HSD17B12: variants seen among roughly 807,000 people sequenced by gnomAD.
The protein encoded by HSD17B12 is very-long-chain 3-oxoacyl-CoA reductase.
HSD17B12 carries 32 observed loss-of-function variants against 39.3 expected under a neutral mutation model. The observed-to-expected ratio is 0.81, with a 90% CI of 0.61 to 1.09. The LOEUF (loss-of-function observed/expected upper bound fraction) is 1.09, where lower values mean the gene tolerates loss of function less well. Ranked by LOEUF, HSD17B12 falls within the 50% of genes least tolerant of loss-of-function variation. The pLI, the probability that HSD17B12 is intolerant of heterozygous loss-of-function variation, is 0.00. For missense variants in HSD17B12, 342 were observed against 382.9 expected, an observed-to-expected ratio of 0.89 and a Z score of 0.89; for synonymous variants, 150 against 146.7, an observed-to-expected ratio of 1.02 and a Z score of -0.16.
At chr11:43,812,980 T>G (rs1951087147) in intron 4 of HSD17B12, among the ~76,000 whole-genome samples, 1 of 152,160 alleles carries the variant, frequency 6.6e-6, no homozygotes, top group South Asian at 2.1e-4. Context: ...TAGCTGGGAC[T>G]ACAGGCACGT....
At chr11:43,607,312 G>T in the HSD17B12 span, among the ~76,000 whole-genome samples, 16 of 151,112 alleles carry the variant, frequency 1.1e-4, no homozygotes, top group African/African-American at 3.9e-4. Context: ...GTGTGTGTGT[G>T]TGTGTACCAT....
At chr11:43,783,763 G>A (rs1164873301) in intron 3 of HSD17B12, among the ~76,000 whole-genome samples, 2 of 151,972 alleles carry the variant, frequency 1.3e-5, no homozygotes, top group Admixed American at 1.3e-4. Flanking sequence ...TCCCCAAAGA[G>A]CGTTTGTTTA....
At chr11:43,735,454 G>A (rs1285384976) in intron 1 of HSD17B12, among the ~76,000 whole-genome samples, 8 of 152,058 alleles carry the variant, frequency 5.3e-5, no homozygotes, top group Non-Finnish European at 1.0e-4. Flanking sequence ...AAAAAATTAC[G>A]GTCAACCTAG....
At chr11:43,661,837 G>A in the HSD17B12 span, among the ~76,000 whole-genome samples, 2 of 152,058 alleles carry the variant, frequency 1.3e-5, no homozygotes, top group African/African-American at 4.8e-5. Flanking sequence ...ATTATGATAT[G>A]GAAAAATGTT....
chr11:43,802,794 T>A (rs1417937562), intron 4 of HSD17B12, among the ~76,000 whole-genome samples: 2 of 152,196 alleles, frequency 1.3e-5, no homozygotes, highest in Non-Finnish European at 2.9e-5. Flanking sequence ...CCATCCAAAA[T>A]GTCAGTAGTG....
At chr11:43,608,362 CA>C in the HSD17B12 span, among the ~76,000 whole-genome samples, 23,626 of 122,886 alleles carry the variant, frequency 0.19, 2,214 homozygotes, top group East Asian at 0.61. Flanking sequence ...GACTCTGTCT[CA>C]AAAAAAAAAA....
In HSD17B12 at chr11:43,759,888, T is replaced by A. The variant is rs369856404; in HGVS notation, c.283+5767T>A. On this transcript the variant is annotated intron_variant, in intron 3 of 10. Coordinates refer to ENST00000278353, the MANE Select transcript of HSD17B12 (RefSeq NM_016142.3). Reference sequence around the variant, plus strand: ...GACTACAGGCTTGTACCACCACACTTGGCTGATTTTTTTTTTTTTTAAATT... The same window carrying A: ...GACTACAGGCTTGTACCACCACACTAGGCTGATTTTTTTTTTTTTTAAATT... Among the ~76,000 whole-genome samples the A allele has an allele frequency of 9.9e-5, 15 of 151,506 alleles. No homozygotes were observed. The East Asian group carries it at 1.9e-3, about 20-fold the overall frequency.
chr11:43,562,902 G>A, the HSD17B12 span, among the ~76,000 whole-genome samples: 1 of 152,198 alleles, frequency 6.6e-6, no homozygotes, highest in African/African-American at 2.4e-5. Flanking sequence ...GCATAGCACA[G>A]ATCTGGACCT....
At chr11:43,706,926 T>G (rs1950021754) in intron 1 of HSD17B12, among the ~76,000 whole-genome samples, 2 of 152,290 alleles carry the variant, frequency 1.3e-5, no homozygotes, top group East Asian at 1.9e-4. Flanking sequence ...TTTGAAAATT[T>G]TATGCCTCTT....
chr11:43,617,119 G>C, the HSD17B12 span, among the ~76,000 whole-genome samples: 2 of 152,072 alleles, frequency 1.3e-5, no homozygotes, highest in Non-Finnish European at 2.9e-5. Context: ...TTCATACTGG[G>C]CTCTTTTAGC....
At chr11:43,615,891 T>A in the HSD17B12 span, among the ~76,000 whole-genome samples, 3 of 152,184 alleles carry the variant, frequency 2.0e-5, no homozygotes, top group African/African-American at 7.2e-5. Context: ...TTACATATAT[T>A]TTATAGACAA....
chr11:43,648,436 A>T, the HSD17B12 span, among the ~76,000 whole-genome samples: 2 of 152,048 alleles, frequency 1.3e-5, no homozygotes, highest in Admixed American at 1.3e-4. Flanking sequence ...AAATCCAGGG[A>T]TGTATAGCTG....
At chr11:43,575,514 G>C in the HSD17B12 span, among the ~76,000 whole-genome samples, 1 of 152,218 alleles carries the variant, frequency 6.6e-6, no homozygotes, top group African/African-American at 2.4e-5. The surrounding 1 kb of genome is among the most constrained non-coding windows in gnomAD (Gnocchi z 4.1). Context: ...TTTGGGGAGG[G>C]GGCTGTCCTG....
intron 1 of HSD17B12, among the ~76,000 whole-genome samples, chr11:43,681,702 GGAAAAAGTATACCCGTAAA>G (rs1358379313): frequency 6.6e-6 from 1 of 150,666 alleles, no homozygotes; most frequent in East Asian, 1.9e-4. Flanking sequence ...GACGTTTGTA[GGAAAAAGTATACCCGTAAA>G]GAGTGAACCA....
chr11:43,672,777 G>C, the HSD17B12 span, among the ~76,000 whole-genome samples: 2 of 149,386 alleles, frequency 1.3e-5, no homozygotes, highest in African/African-American at 4.9e-5. Context: ...CTGACCTCAG[G>C]TGATCCGCCT....
At chr11:43,679,245 T>A (rs746970259), upstream of HSD17B12, among the ~76,000 whole-genome samples, 1 of 152,164 alleles carries the variant, frequency 6.6e-6, no homozygotes, top group Non-Finnish European at 1.5e-5. Context: ...TTGTCTGTTA[T>A]TGGTGTATAA....
chr11:43,734,072 C>A, intron 1 of HSD17B12: 2 of 967,008 alleles, frequency 2.1e-6, no homozygotes, highest in Non-Finnish European at 3.3e-6. Flanking sequence ...TTCCTCATAT[C>A]TTCACCAGCA....
the HSD17B12 span, chr11:43,581,386 G>T: frequency 3.9e-6 from 2 of 508,772 alleles, no homozygotes; most frequent in Non-Finnish European, 8.1e-6. The surrounding 1 kb of genome is among the most constrained non-coding windows in gnomAD (Gnocchi z 4.9). Flanking sequence ...GAAGAAGCCG[G>T]CATATTCTGC....
chr11:43,836,997 T>G (rs1951377357), intron 7 of HSD17B12, among the ~76,000 whole-genome samples: 2 of 152,166 alleles, frequency 1.3e-5, no homozygotes, highest in South Asian at 4.1e-4. Flanking sequence ...CATCAAAATC[T>G]TAATGGGTTT....
Sources: gnomAD v4.1 joint callset for allele counts (sites outside exome capture counted in the v4.1 genomes callset) on GRCh38, gnomAD v4.1.1 for gene constraint, Gnocchi (gnomAD v3.1) non-coding constraint, MANE v1.5 for transcripts, NCBI Gene and HGNC (gene_info 2026-07-23, HGNC 2026-07-21) for gene names.